Variants in KLHL29 observed in about 807,000 individuals in gnomAD.
KLHL29 encodes the protein kelch-like protein 29.
A neutral mutation model predicts 80.4 loss-of-function variants in KLHL29; 21 were observed. The ratio of observed to expected loss-of-function variants is 0.26; its 90% CI spans 0.19 to 0.38. The LOEUF is 0.38. Ranked by LOEUF, KLHL29 falls within the 10% of genes least tolerant of loss-of-function variation. The pLI is 1.00. For synonymous variants in KLHL29, 511 were observed against 526.8 expected (o/e 0.97, Z 0.41); for missense variants, 867 against 1,223.9 (o/e 0.71, Z 4.35).
chr2:23,586,146 G>T (rs1668111733), intron 3 of KLHL29, among the ~76,000 whole-genome samples: 1 of 152,102 alleles, frequency 6.6e-6, no homozygotes, highest in Admixed American at 6.5e-5. Context: ...AATGGAGTGT[G>T]ACCTCAGAAA....
In KLHL29 at chr2:23,455,010, G is replaced by GC. The variant is rs560702487; in HGVS notation, c.-153-20550_-153-20549insC. Among the ~76,000 whole-genome samples the GC allele has an allele frequency of 3.8e-3, 536 of 141,500 alleles. 2 individuals are homozygous for GC. Among genetic ancestry groups the GC allele is most frequent in the Non-Finnish European group, 7.0e-3 (454 of 65,210 alleles). 92.8% of individuals were successfully genotyped at this position (141,500 alleles called of 152,430 possible). A position where few individuals can be genotyped will look rare whatever the true frequency, so the allele number is the denominator to read the frequency against. ...AACAGGAACAGTGGGTTGGGGGGGG[G>GC]GCATTTATTTCTCTCGCATCTGCAG... On this transcript the variant is annotated intron_variant, in intron 1 of 13. Coordinates refer to ENST00000486442, the MANE Select transcript of KLHL29 (RefSeq NM_052920.2).
intron 1 of KLHL29, among the ~76,000 whole-genome samples, chr2:23,389,706 G>A (rs536602588): frequency 2.0e-5 from 3 of 151,900 alleles, no homozygotes; most frequent in South Asian, 2.1e-4. Flanking sequence ...AAAAGGGGGG[G>A]GCGGAATATA....
At position 23,532,512 on chromosome 2, in the gene KLHL29, G is replaced by C. The variant is rs1208411355; in HGVS notation, c.-45-29640G>C. 5 of 453,430 alleles carry C rather than the reference G, an allele frequency of 1.1e-5. No homozygotes were observed. The Admixed American group carries it at 1.2e-4, about 11-fold the overall frequency. 28.1% of individuals were successfully genotyped at this position (453,430 alleles called of 1,614,324 possible). ...CTGCTAGTGGAGCTTTGTGGGATGT[G>C]CATCGCCAAGGTTAGACTTTTTCTT... On this transcript the variant is annotated intron_variant, in intron 2 of 13. Coordinates refer to ENST00000486442, the MANE Select transcript of KLHL29 (RefSeq NM_052920.2).
At chr2:23,513,384 G>A (rs1665830844) in intron 2 of KLHL29, among the ~76,000 whole-genome samples, 1 of 152,194 alleles carries the variant, frequency 6.6e-6, no homozygotes, top group African/African-American at 2.4e-5. Context: ...CTTCCTCTGA[G>A]CCAGTTTGAA....
At chr2:23,663,075 C>T (rs529254183) in intron 5 of KLHL29, among the ~76,000 whole-genome samples, 1 of 152,254 alleles carries the variant, frequency 6.6e-6, no homozygotes, top group Admixed American at 6.5e-5. Context: ...GAGAGGGTGG[C>T]AGGTGGGAGG....
chr2:23,571,424 C>A (rs886197970), intron 3 of KLHL29, among the ~76,000 whole-genome samples: 3 of 152,310 alleles, frequency 2.0e-5, no homozygotes, highest in East Asian at 1.9e-4. Context: ...CCCTTCCCAG[C>A]AGAACCCCCA....
Position 23,554,958 on chromosome 2 carries a change from T to G in KLHL29, c.-45-7194T>G, listed in dbSNP as rs1201243023. On this transcript the variant is annotated intron_variant, in intron 2 of 13. Transcript: ENST00000486442. ...CTGGGCCTGGGGCACCAGGATTTCCTTCCTGCAATATCCTCAGGCCCCAGG... is the reference window on the plus strand; with the variant it reads ...CTGGGCCTGGGGCACCAGGATTTCCGTCCTGCAATATCCTCAGGCCCCAGG... Among the ~76,000 whole-genome samples, 7 of 152,228 alleles carry G rather than the reference T, an allele frequency of 4.6e-5. No individual in the cohort carries two copies. In the East Asian group the frequency reaches 1.4e-3, roughly 29 times the overall value.
At chr2:23,632,258 C>T (rs1281529331) in intron 3 of KLHL29, among the ~76,000 whole-genome samples, 1 of 152,256 alleles carries the variant, frequency 6.6e-6, no homozygotes, top group Non-Finnish European at 1.5e-5. Flanking sequence ...TCTAAAAGAT[C>T]CCAGACACCA....
At chr2:23,469,041 C>A (rs1664426397) in intron 1 of KLHL29, among the ~76,000 whole-genome samples, 1 of 152,228 alleles carries the variant, frequency 6.6e-6, no homozygotes. Flanking sequence ...ATGGCTCTCG[C>A]CTATTTCTTT....
intron 5 of KLHL29, among the ~76,000 whole-genome samples, chr2:23,675,453 T>C (rs561809975): frequency 6.6e-6 from 1 of 152,284 alleles, no homozygotes; most frequent in East Asian, 1.9e-4. Context: ...ACCCCTTGAC[T>C]CCTACTCTGA....
intron 2 of KLHL29, 144 bp downstream of exon 2, chr2:23,475,811 A>T (rs1664626143): frequency 6.5e-6 from 1 of 154,624 alleles, no homozygotes; most frequent in African/African-American, 2.4e-5. Flanking sequence ...CGATTTTACC[A>T]CAGGCGTGTG....
intron 1 of KLHL29, among the ~76,000 whole-genome samples, chr2:23,389,564 GT>G (rs1666267426): frequency 6.6e-6 from 1 of 152,156 alleles, no homozygotes; most frequent in African/African-American, 2.4e-5. Flanking sequence ...CAGTTACTGT[GT>G]AAGAGGACTG....
At chr2:23,430,820 T>C (rs13407828) in intron 1 of KLHL29, among the ~76,000 whole-genome samples, 82,030 of 152,098 alleles carry the variant, frequency 0.54, 24,563 homozygotes, top group African/African-American at 0.82. Flanking sequence ...TGGTCCAGCC[T>C]TTCCATTTTA....
chr2:23,470,602 C>G (rs753021107), intron 1 of KLHL29, among the ~76,000 whole-genome samples: 20 of 152,180 alleles, frequency 1.3e-4, no homozygotes, highest in Admixed American at 2.0e-4. Flanking sequence ...AACATTGTTA[C>G]CTCTCAAATC....
chr2:23,656,228 C>G (rs1001299957), intron 5 of KLHL29, among the ~76,000 whole-genome samples: 1 of 152,170 alleles, frequency 6.6e-6, no homozygotes. Context: ...CCAAGGGGAC[C>G]GTCGCCGGCA....
At position 23,680,942 on chromosome 2, in the gene KLHL29, C is replaced by T. The variant is rs138642449; in HGVS notation, c.941-3457C>T. On this transcript the variant is annotated intron_variant, in intron 5 of 13. Coordinates refer to ENST00000486442, the MANE Select transcript of KLHL29 (RefSeq NM_052920.2). The surrounding 1 kb of genome is among the most constrained non-coding windows in gnomAD (Gnocchi z 4.1). ...CAAATCTCCCACACCTGAGAATAGG[C>T]CATGTTGTTGGAAGATCTCCCCAGA... 0.033 allele frequency among the ~76,000 whole-genome samples: 4,970 copies of T among 152,272 alleles called. 101 individuals are homozygous for T. The highest frequency in any genetic ancestry group is 0.086 in the South Asian group (417 of 4,824).
chr2:23,415,238 T>G lies in KLHL29; in HGVS notation c.-154+29458T>G, dbSNP rs59930855. Among the ~76,000 whole-genome samples the G allele has an allele frequency of 5.9e-5, 9 of 152,280 alleles. No individual in the cohort carries two copies. The East Asian group carries it at 1.5e-3, about 26-fold the overall frequency. ...GTAAGTGAATTTGCCATTTTCAGCT[T>G]CTATAATGCAAGACGGGCTTAGCTT... On this transcript the variant is annotated intron_variant, in intron 1 of 13. Transcript: ENST00000486442.
chr2:23,408,109 A>AT (rs1666775519), intron 1 of KLHL29, among the ~76,000 whole-genome samples: 1 of 151,914 alleles, frequency 6.6e-6, no homozygotes, highest in African/African-American at 2.4e-5. Context: ...ACTTAGTTCT[A>AT]TACCACACTG....
At chr2:23,525,693 C>T (rs1666283538) in intron 2 of KLHL29, among the ~76,000 whole-genome samples, 2 of 150,668 alleles carry the variant, frequency 1.3e-5, no homozygotes, top group South Asian at 2.1e-4. Context: ...GGACTTTCCT[C>T]GCTCCCCAGA....
Sources: allele counts gnomAD v4.1 joint callset (sites outside exome capture counted in the v4.1 genomes callset), GRCh38; gene constraint gnomAD v4.1.1; non-coding constraint Gnocchi (gnomAD v3.1); transcripts MANE v1.5; gene names NCBI Gene and HGNC (gene_info 2026-07-23, HGNC 2026-07-21).